Variants in SKAP1 observed in about 807,000 individuals in gnomAD.
SKAP1 encodes src kinase-associated phosphoprotein 1.
In SKAP1, 44 loss-of-function variants were observed where a neutral mutation model predicts 58.5. The observed-to-expected ratio is 0.75, with a 90% CI of 0.59 to 0.97. The LOEUF is 0.97. Ranked by LOEUF, SKAP1 falls within the 50% of genes least tolerant of loss-of-function variation. The pLI is 0.00. For synonymous variants in SKAP1, 127 were observed against 149.7 expected (o/e 0.85, Z 1.11); for missense variants, 390 against 435.2 (o/e 0.90, Z 0.92).
At chr17:48,162,380 G>A (rs2064081315) in intron 11 of SKAP1, 89 bp downstream of exon 11, 1 of 742,374 alleles carries the variant, frequency 1.3e-6, no homozygotes, top group South Asian at 2.0e-5. Flanking sequence ...CATGGGAAGT[G>A]TATGACATGG....
the SKAP1 span, among the ~76,000 whole-genome samples, chr17:48,440,034 G>C: frequency 6.6e-6 from 1 of 152,116 alleles, no homozygotes; most frequent in Non-Finnish European, 1.5e-5. Context: ...ACCAGGACGC[G>C]GGCTGGTGGA....
chr17:48,239,829 T>TGTGA (rs1555607078), intron 4 of SKAP1, among the ~76,000 whole-genome samples: 2 of 138,730 alleles, frequency 1.4e-5, no homozygotes, highest in Non-Finnish European at 3.1e-5. Context: ...GTAATTAGAA[T>TGTGA]GAGAGAGAGA....
At chr17:48,435,916 G>GC in the SKAP1 span, among the ~76,000 whole-genome samples, 2 of 152,222 alleles carry the variant, frequency 1.3e-5, no homozygotes, top group Non-Finnish European at 2.9e-5. Flanking sequence ...AAACACTAGA[G>GC]TCAGAGATAA....
intron 2 of SKAP1, among the ~76,000 whole-genome samples, chr17:48,391,733 G>A (rs2067347938): frequency 6.6e-6 from 1 of 150,464 alleles, no homozygotes; most frequent in African/African-American, 2.4e-5. Flanking sequence ...TATGACTTTT[G>A]AGCCTTTTCA....
In SKAP1 at chr17:48,328,694, G is replaced by GT. The variant is rs1479697937; in HGVS notation, c.280+17210_280+17211insA. Among the ~76,000 whole-genome samples, 18 of 152,196 alleles carry GT rather than the reference G, an allele frequency of 1.2e-4. No homozygotes were observed. In the Middle Eastern group the frequency reaches 0.014, roughly 115 times the overall value. On this transcript the variant is annotated intron_variant, in intron 4 of 12. Coordinates refer to ENST00000336915, the MANE Select transcript of SKAP1 (RefSeq NM_003726.4). ...TGCTCTTCTTCAAAGCACTTTGCCA[G>GT]GTCACTTCCTTTCTTCCACTCCACA...
intron 4 of SKAP1, among the ~76,000 whole-genome samples, chr17:48,246,734 T>A (rs1437642266): frequency 6.6e-6 from 1 of 152,168 alleles, no homozygotes; most frequent in Non-Finnish European, 1.5e-5. Context: ...TGCTGGTCTT[T>A]TTCATCACTC....
intron 11 of SKAP1, among the ~76,000 whole-genome samples, chr17:48,158,030 A>C (rs971695530): frequency 6.6e-6 from 1 of 151,642 alleles, no homozygotes; most frequent in African/African-American, 2.4e-5. Flanking sequence ...ATACAAAATT[A>C]GCTGGGCATG....
At chr17:48,417,619 C>T (rs976937064) in intron 1 of SKAP1, among the ~76,000 whole-genome samples, 53 of 152,212 alleles carry the variant, frequency 3.5e-4, no homozygotes, top group African/African-American at 1.3e-3. Context: ...GTGGCACATG[C>T]CTGTAATCCC....
At chr17:48,434,516 C>G (rs1277644536), upstream of SKAP1, among the ~76,000 whole-genome samples, 1 of 152,206 alleles carries the variant, frequency 6.6e-6, no homozygotes, top group Non-Finnish European at 1.5e-5. Flanking sequence ...CCTTCCAGCT[C>G]ACACTCCTAG....
intron 4 of SKAP1, among the ~76,000 whole-genome samples, chr17:48,297,804 A>G (rs2065999347): frequency 6.6e-6 from 1 of 152,234 alleles, no homozygotes. Context: ...TAACTTTACC[A>G]TTTCAAAGAA....
intron 4 of SKAP1, among the ~76,000 whole-genome samples, chr17:48,320,990 G>A (rs10514944): frequency 0.081 from 12,296 of 152,148 alleles, 631 homozygotes; most frequent in East Asian, 0.2. Context: ...CAGGCATCCA[G>A]ATAATGAGCA....
intron 9 of SKAP1, among the ~76,000 whole-genome samples, chr17:48,179,071 A>T (rs886950075): frequency 3.4e-4 from 52 of 152,200 alleles, no homozygotes; most frequent in Admixed American, 3.4e-3. Context: ...CCTACTGATG[A>T]TGCTTTCAGC....
intron 2 of SKAP1, 107 bp downstream of exon 2, chr17:48,396,573 A>C: frequency 1.6e-6 from 1 of 629,380 alleles, no homozygotes; most frequent in Non-Finnish European, 2.7e-6. Flanking sequence ...GTTTCTGCCA[A>C]GTATAAAGAA....
intron 11 of SKAP1, among the ~76,000 whole-genome samples, chr17:48,140,386 A>T (rs1017157856): frequency 6.6e-6 from 1 of 151,966 alleles, no homozygotes; most frequent in African/African-American, 2.4e-5. Flanking sequence ...TTGCAGGCTC[A>T]TCTTGCTCAA....
chr17:48,135,430 C>G (rs1205761916), intron 12 of SKAP1, among the ~76,000 whole-genome samples: 3 of 152,172 alleles, frequency 2.0e-5, no homozygotes, highest in Non-Finnish European at 4.4e-5. Flanking sequence ...GGCACCCACC[C>G]CCACTATTTT....
At chr17:48,194,907 G>A (rs2064602899) in intron 4 of SKAP1, among the ~76,000 whole-genome samples, 3 of 152,148 alleles carry the variant, frequency 2.0e-5, no homozygotes, top group Non-Finnish European at 2.9e-5. Flanking sequence ...AAAACCTGGG[G>A]ATTGGGTGTA....
chr17:48,300,247 A>G (rs904921102), intron 4 of SKAP1, among the ~76,000 whole-genome samples: 2 of 152,146 alleles, frequency 1.3e-5, no homozygotes, highest in African/African-American at 2.4e-5. Flanking sequence ...GGTTGACAGT[A>G]GAAGACAGGG....
At chr17:48,439,594 C>T in the SKAP1 span, among the ~76,000 whole-genome samples, 2 of 152,268 alleles carry the variant, frequency 1.3e-5, no homozygotes, top group African/African-American at 4.8e-5. Flanking sequence ...ATAAGTCACT[C>T]CCATGATAGC....
At chr17:48,288,557 G>C (rs1258092895) in intron 4 of SKAP1, among the ~76,000 whole-genome samples, 1 of 152,116 alleles carries the variant, frequency 6.6e-6, no homozygotes, top group Non-Finnish European at 1.5e-5. Context: ...ATGGTGGCGT[G>C]CACCTGTAGT....
Sources: gnomAD v4.1 joint callset for allele counts (sites outside exome capture counted in the v4.1 genomes callset) on GRCh38, gnomAD v4.1.1 for gene constraint, MANE v1.5 for transcripts, NCBI Gene and HGNC (gene_info 2026-07-23, HGNC 2026-07-21) for gene names.